Variants in SUSD1 observed in about 807,000 individuals in gnomAD.
SUSD1 encodes sushi domain-containing protein 1.
SUSD1 carries 65 observed loss-of-function variants against 86.9 expected under a neutral mutation model. That is an observed-to-expected ratio of 0.75 (90% CI 0.61 to 0.92). The LOEUF (loss-of-function observed/expected upper bound fraction) is 0.92. SUSD1 is among the 40% of genes least tolerant of loss of function. The probability of loss-of-function intolerance (pLI) is 0.00; values close to 1 mark genes in which losing one functional copy is unlikely to be tolerated. For missense variants in SUSD1, 850 were observed against 929.7 expected, an observed-to-expected ratio of 0.91 and a Z score of 1.11; for synonymous variants, 346 against 350.0, an observed-to-expected ratio of 0.99 and a Z score of 0.13.
chr9:112,128,739 T>C (rs1831886514), intron 5 of SUSD1, among the ~76,000 whole-genome samples: 1 of 152,152 alleles, frequency 6.6e-6, no homozygotes, highest in African/African-American at 2.4e-5. Flanking sequence ...GAGCAAGCCA[T>C]GTTTGGGACC....
chr9:112,084,750 A>G (rs1829906546), intron 10 of SUSD1, among the ~76,000 whole-genome samples: 1 of 151,962 alleles, frequency 6.6e-6, no homozygotes, highest in African/African-American at 2.4e-5. Flanking sequence ...CTCTCATACA[A>G]ATCTTCCTTC....
Position 112,113,745 on chromosome 9 carries a change from A to G in SUSD1, c.887-877T>C, listed in dbSNP as rs1392095378. On this transcript the variant is annotated intron_variant, in intron 6 of 16. Transcript: ENST00000374270. This position sits in a 1 kb window ranked among gnomAD's most constrained non-coding sequence, Gnocchi z 4.1. ...TCAGAAGTTTGAGACCAGCCTGGCC[A>G]ACATAGTGAAACCCCATCTCTACTA... Among the ~76,000 whole-genome samples the G allele has an allele frequency of 5.3e-5, 8 of 152,144 alleles. No homozygotes were observed. The highest frequency in any genetic ancestry group is 5.2e-4 in the Admixed American group (8 of 15,270).
intron 5 of SUSD1, among the ~76,000 whole-genome samples, chr9:112,126,242 G>A (rs1244114918): frequency 6.6e-6 from 1 of 152,204 alleles, no homozygotes; most frequent in Non-Finnish European, 1.5e-5. Context: ...GAGGTTGGAG[G>A]TATAGATTCA....
chr9:112,074,491 A>T (rs1241292020), intron 12 of SUSD1, among the ~76,000 whole-genome samples: 1 of 152,064 alleles, frequency 6.6e-6, no homozygotes, highest in Non-Finnish European at 1.5e-5. Context: ...GTCCCTCAAC[A>T]TTCCTAGAAC....
At chr9:112,147,233 G>A (rs1290433730) in intron 3 of SUSD1, among the ~76,000 whole-genome samples, 5 of 152,348 alleles carry the variant, frequency 3.3e-5, no homozygotes, top group Middle Eastern at 6.8e-3. Flanking sequence ...AAGGCCAGGC[G>A]TGGTGGCTCA....
intron 16 of SUSD1, 64 bp from the exon 17 acceptor site, chr9:112,041,556 A>C: frequency 2.6e-6 from 2 of 780,002 alleles, no homozygotes; most frequent in South Asian, 2.7e-5. Context: ...CCCACTGTGC[A>C]TCTCTATGCA....
intron 4 of SUSD1, 59 bp downstream of exon 4, chr9:112,143,411 AG>A: frequency 6.3e-7 from 1 of 1,579,254 alleles, no homozygotes; most frequent in Non-Finnish European, 8.7e-7. Context: ...TTGGAGCAGA[AG>A]AAAGTCACCA....
intron 12 of SUSD1, among the ~76,000 whole-genome samples, chr9:112,078,213 C>T (rs1291892341): frequency 2.0e-5 from 3 of 152,080 alleles, no homozygotes; most frequent in African/African-American, 7.2e-5. Context: ...GGCATGGTGG[C>T]CTATACAACT....
intron 12 of SUSD1, among the ~76,000 whole-genome samples, chr9:112,067,835 A>G (rs891449960): frequency 2.0e-5 from 3 of 152,000 alleles, no homozygotes; most frequent in Admixed American, 2.0e-4. Context: ...CTAGCCCTAA[A>G]CCCTGCCACT....
chr9:112,120,527 C>T (rs142993762), intron 6 of SUSD1, among the ~76,000 whole-genome samples: 2 of 152,242 alleles, frequency 1.3e-5, no homozygotes, highest in African/African-American at 2.4e-5. Context: ...CCTTTATCTG[C>T]GGAAATTGAA....
Position 112,072,243 on chromosome 9 carries a change from G to A in SUSD1, c.1753+6295C>T, listed in dbSNP as rs372357891. On this transcript the variant is annotated intron_variant, in intron 12 of 16. Transcript: ENST00000374270. ...TCAGCTCACTGCAACTCTGCCTCCC[G>A]GGTTCAGGAGATTCTCCTGCCTCAG... 3.4e-4 allele frequency among the ~76,000 whole-genome samples: 49 copies of A among 143,414 alleles called. No individual in the cohort carries two copies. The East Asian group carries it at 6.8e-3, about 20-fold the overall frequency. The allele number at this position is 143,414 out of a possible 152,430, so 94.1% of individuals were successfully genotyped here.
At chr9:112,072,137 TC>T (rs1829297830) in intron 12 of SUSD1, among the ~76,000 whole-genome samples, 1 of 139,316 alleles carries the variant, frequency 7.2e-6, no homozygotes. Context: ...TTTCTTTCTT[TC>T]TCTTTTTTTT....
At chr9:112,107,848 A>C (rs767439171) in intron 8 of SUSD1, among the ~76,000 whole-genome samples, 1 of 152,250 alleles carries the variant, frequency 6.6e-6, no homozygotes. Flanking sequence ...AGGAACAGAA[A>C]ATGGCAATCC....
At chr9:112,118,225 T>C (rs1377890552) in intron 6 of SUSD1, among the ~76,000 whole-genome samples, 1 of 152,192 alleles carries the variant, frequency 6.6e-6, no homozygotes, top group Admixed American at 6.5e-5. Context: ...ATACGGCTCA[T>C]AAACTACCTC....
chr9:112,096,701 A>C (rs1463362355), intron 10 of SUSD1, among the ~76,000 whole-genome samples: 1 of 151,930 alleles, frequency 6.6e-6, no homozygotes, highest in East Asian at 1.9e-4. Context: ...CACCACACCC[A>C]GCTAATTTTT....
intron 1 of SUSD1, among the ~76,000 whole-genome samples, chr9:112,168,167 G>C (rs10817275): frequency 0.84 from 127,327 of 152,210 alleles, 53,638 homozygotes; most frequent in African/African-American, 0.94. Flanking sequence ...ATTGTTATAA[G>C]CAACCACTCA....
intron 1 of SUSD1, among the ~76,000 whole-genome samples, chr9:112,160,285 T>A (rs1356013877): frequency 6.6e-6 from 1 of 152,238 alleles, no homozygotes; most frequent in Non-Finnish European, 1.5e-5. Flanking sequence ...GGCTCACGCC[T>A]GTAATCTCAG....
intron 4 of SUSD1, 36 bp from the exon 5 acceptor site, chr9:112,142,535 G>GA (rs1433371273): frequency 1.3e-6 from 2 of 1,591,838 alleles, no homozygotes; most frequent in Admixed American, 3.6e-5. Context: ...ATTACCTCGT[G>GA]AATGTAAATC....
intron 11 of SUSD1, 55 bp downstream of exon 11, chr9:112,080,019 T>A: frequency 7.7e-7 from 1 of 1,300,666 alleles, no homozygotes; most frequent in Non-Finnish European, 1.1e-6. Context: ...TGGGTATTTT[T>A]AAGCCTCCCA....
Sources: gnomAD v4.1 joint callset for allele counts (sites outside exome capture counted in the v4.1 genomes callset) on GRCh38, gnomAD v4.1.1 for gene constraint, Gnocchi (gnomAD v3.1) non-coding constraint, MANE v1.5 for transcripts, NCBI Gene and HGNC (gene_info 2026-07-23, HGNC 2026-07-21) for gene names.